ZNF804A: variants seen among roughly 807,000 people sequenced by gnomAD.
The protein encoded by ZNF804A is zinc finger protein 804A.
A neutral mutation model predicts 16.5 loss-of-function variants in ZNF804A; 2 were observed. The ratio of observed to expected loss-of-function variants is 0.12; its 90% CI spans 0.05 to 0.38. The LOEUF (loss-of-function observed/expected upper bound fraction) is 0.38. Among genes scored for constraint, ZNF804A ranks in the 10% least tolerant of loss-of-function variants. The pLI is 0.99. For synonymous variants in ZNF804A, 534 were observed against 489.6 expected (o/e 1.09, Z -1.20); for missense variants, 1,473 against 1,390.7 (o/e 1.06, Z -0.94).
chr2:184,746,449 G>A (rs540627674), intron 1 of ZNF804A, among the ~76,000 whole-genome samples: 2 of 151,428 alleles, frequency 1.3e-5, no homozygotes, highest in African/African-American at 4.8e-5. Flanking sequence ...TATTTATAAG[G>A]TACATGAGAT....
chr2:184,899,785 T>C lies in ZNF804A; in HGVS notation c.255+33273T>C, dbSNP rs1346838599. Among the ~76,000 whole-genome samples the C allele has an allele frequency of 6.6e-5, 10 of 151,936 alleles. No individual in the cohort carries two copies. In the East Asian group the frequency reaches 1.9e-3, roughly 29 times the overall value. ...GTGAATATAAATAAATCAAATAATA[T>C]ATTGTTAATGAAAGTCAAGTGCAAA... On this transcript the variant is annotated intron_variant, in intron 2 of 3. Transcript: ENST00000302277.
At chr2:184,908,302 C>T (rs1039414622) in intron 2 of ZNF804A, among the ~76,000 whole-genome samples, 2 of 152,092 alleles carry the variant, frequency 1.3e-5, no homozygotes, top group African/African-American at 4.8e-5. Context: ...CATTGAATCT[C>T]TCTCTCTTTT....
At chr2:184,768,057 A>T (rs1340347151) in intron 1 of ZNF804A, among the ~76,000 whole-genome samples, 1 of 152,120 alleles carries the variant, frequency 6.6e-6, no homozygotes, top group East Asian at 1.9e-4. Flanking sequence ...GTATCTACAG[A>T]TTCCTCACCA....
intron 1 of ZNF804A, among the ~76,000 whole-genome samples, chr2:184,608,885 C>T (rs1326820895): frequency 3.9e-5 from 6 of 152,212 alleles, no homozygotes; most frequent in Non-Finnish European, 5.9e-5. Context: ...GAGGATAAAA[C>T]ATCCACCTCT....
intron 1 of ZNF804A, among the ~76,000 whole-genome samples, chr2:184,855,994 C>T (rs2105806407): frequency 6.6e-6 from 1 of 152,060 alleles, no homozygotes; most frequent in East Asian, 1.9e-4. Context: ...TCCAGTTATT[C>T]ATTTACTGAT....
intron 1 of ZNF804A, among the ~76,000 whole-genome samples, chr2:184,747,981 AT>A (rs967706834): frequency 4.0e-5 from 6 of 151,298 alleles, no homozygotes; most frequent in Middle Eastern, 3.4e-3. Context: ...AAAGGACATA[AT>A]TTTTTTTATG....
At chr2:184,628,215 T>G (rs1368714424) in intron 1 of ZNF804A, among the ~76,000 whole-genome samples, 4 of 152,032 alleles carry the variant, frequency 2.6e-5, no homozygotes, top group Admixed American at 1.3e-4. Context: ...TTGGGAGTCT[T>G]GAGGCAGGAT....
At chr2:184,823,002 C>T (rs1695105682) in intron 1 of ZNF804A, among the ~76,000 whole-genome samples, 1 of 152,068 alleles carries the variant, frequency 6.6e-6, no homozygotes, top group African/African-American at 2.4e-5. Flanking sequence ...TAGTCGTTGT[C>T]TTAGTCCATT....
intron 2 of ZNF804A, among the ~76,000 whole-genome samples, chr2:184,903,667 T>C (rs1685221671): frequency 6.6e-6 from 1 of 150,780 alleles, no homozygotes; most frequent in Non-Finnish European, 1.5e-5. Context: ...ATACTTTAGT[T>C]TATTTCATTT....
At chr2:184,632,561 A>G (rs1312053543) in intron 1 of ZNF804A, among the ~76,000 whole-genome samples, 1 of 152,062 alleles carries the variant, frequency 6.6e-6, no homozygotes, top group African/African-American at 2.4e-5. Context: ...ACGCCTGGCT[A>G]ATTTTTGTAT....
intron 1 of ZNF804A, among the ~76,000 whole-genome samples, chr2:184,693,687 T>C (rs1277819065): frequency 1.3e-5 from 2 of 152,200 alleles, no homozygotes; most frequent in African/African-American, 4.8e-5. Context: ...TATATGTGCC[T>C]ATGCATTATT....
At chr2:184,861,435 G>A (rs2105808859) in intron 1 of ZNF804A, among the ~76,000 whole-genome samples, 2 of 152,140 alleles carry the variant, frequency 1.3e-5, no homozygotes, top group Middle Eastern at 3.4e-3. Flanking sequence ...TAAGCACTAG[G>A]GTGTCCTATT....
intron 1 of ZNF804A, among the ~76,000 whole-genome samples, chr2:184,804,705 GA>G: frequency 6.6e-6 from 1 of 152,190 alleles, no homozygotes; most frequent in East Asian, 1.9e-4. Flanking sequence ...TACAAAAATT[GA>G]AAAAGCAAAG....
intron 2 of ZNF804A, among the ~76,000 whole-genome samples, chr2:184,904,966 A>C (rs942163826): frequency 6.6e-6 from 1 of 152,200 alleles, no homozygotes; most frequent in Non-Finnish European, 1.5e-5. Flanking sequence ...TTCACTACTT[A>C]ATAATTTTTA....
intron 1 of ZNF804A, among the ~76,000 whole-genome samples, chr2:184,829,899 CAAAAA>C (rs1244566222): frequency 2.6e-5 from 1 of 38,896 alleles, no homozygotes; most frequent in Non-Finnish European, 4.8e-5. Context: ...CTGTCTCTAC[CAAAAA>C]AAAAAAAAAA....
chr2:184,931,387 T>C (rs567197909), intron 2 of ZNF804A, among the ~76,000 whole-genome samples: 107 of 152,334 alleles, frequency 7.0e-4, no homozygotes, highest in Admixed American at 1.3e-3. Context: ...CTGTGAAATC[T>C]AGGCAGAGGT....
intron 1 of ZNF804A, among the ~76,000 whole-genome samples, chr2:184,845,701 C>T (rs1695501107): frequency 6.6e-6 from 1 of 152,132 alleles, no homozygotes; most frequent in African/African-American, 2.4e-5. Context: ...ATGCCAAGGA[C>T]ATGAGAGACT....
In ZNF804A at chr2:184,938,382, T is replaced by C; in HGVS notation, c.2986T>C (p.Ser996Pro). The change falls in exon 4 of 4, where the codon TCA (serine) becomes CCA (proline). Residue 996 changes from serine to proline, a missense_variant. Coordinates refer to ENST00000302277, the MANE Select transcript of ZNF804A (RefSeq NM_194250.2). ...ETPTEWLRYNSGILNTQPPLP... is the reference protein window; with the variant it reads ...ETPTEWLRYNPGILNTQPPLP... ...ACCAACTGAGTGGCTGCGTTATAAT[T>C]CAGGAATCCTTAACACACAACCACC... The C allele has an allele frequency of 6.2e-7, 1 of 1,614,084 alleles. No homozygotes were observed. The highest frequency in any genetic ancestry group is 8.5e-7 in the Non-Finnish European group (1 of 1,180,012).
At chr2:184,742,495 A>G (rs1693723525) in intron 1 of ZNF804A, among the ~76,000 whole-genome samples, 1 of 152,140 alleles carries the variant, frequency 6.6e-6, no homozygotes, top group African/African-American at 2.4e-5. Context: ...CTGACAACCT[A>G]TCACCTGATA....
Sources: allele counts gnomAD v4.1 joint callset (sites outside exome capture counted in the v4.1 genomes callset), GRCh38; gene constraint gnomAD v4.1.1; transcripts MANE v1.5; gene names NCBI Gene and HGNC (gene_info 2026-07-23, HGNC 2026-07-21).